PRSS23: variants seen among roughly 807,000 people sequenced by gnomAD.
PRSS23 encodes protease, serine 23.
PRSS23 carries 25 observed loss-of-function variants against 34.7 expected under a neutral mutation model. That is an observed-to-expected ratio of 0.72 (90% CI 0.53 to 1.01). PRSS23 has a LOEUF of 1.01. Ranked by LOEUF, PRSS23 falls within the 50% of genes least tolerant of loss-of-function variation. The pLI is 0.00. For missense variants in PRSS23, 445 were observed against 475.6 expected (o/e 0.94, Z 0.60); for synonymous variants, 176 against 186.6 (o/e 0.94, Z 0.46).
At chr11:86,864,299 G>A (rs570464087) in intron 2 of PRSS23, among the ~76,000 whole-genome samples, 10 of 152,176 alleles carry the variant, frequency 6.6e-5, no homozygotes, top group Admixed American at 5.9e-4. Flanking sequence ...GGGGGTAGTC[G>A]AGGCAGTGCT....
At chr11:86,829,567 C>T (rs1166519625) in intron 2 of PRSS23, among the ~76,000 whole-genome samples, 1 of 152,140 alleles carries the variant, frequency 6.6e-6, no homozygotes, top group Non-Finnish European at 1.5e-5. Flanking sequence ...AGGTGCTCTG[C>T]TTTTTAGAGT....
chr11:86,832,563 T>G, intron 2 of PRSS23: 1 of 460,794 alleles, frequency 2.2e-6, no homozygotes, highest in South Asian at 1.7e-5. Flanking sequence ...AGGACCCTTT[T>G]GATGTCCCTG....
Position 86,873,596 on chromosome 11 carries a change from A to G in PRSS23, c.206+50003A>G, listed in dbSNP as rs147939083. Reference sequence around the variant, plus strand: ...CCGTGCCCAGCCTATATTCTTAAAGATTGTACCCCTGGCCATAGCTGATTG... The same window carrying G: ...CCGTGCCCAGCCTATATTCTTAAAGGTTGTACCCCTGGCCATAGCTGATTG... On this transcript the variant is annotated intron_variant, in intron 2 of 2. Coordinates refer to the PRSS23 transcript ENST00000533902. Among the ~76,000 whole-genome samples the G allele has an allele frequency of 8.4e-3, 1,282 of 152,162 alleles. 7 individuals are homozygous for G. Among genetic ancestry groups the G allele is most frequent in the Non-Finnish European group, 0.014 (936 of 68,018 alleles).
At chr11:86,840,895 A>G (rs1226548909) in intron 2 of PRSS23, among the ~76,000 whole-genome samples, 2 of 152,206 alleles carry the variant, frequency 1.3e-5, no homozygotes, top group Non-Finnish European at 2.9e-5. Context: ...AGAAGTGAAG[A>G]TGTTCTTTAA....
chr11:86,835,972 A>G lies in PRSS23; in HGVS notation c.206+12379A>G, dbSNP rs566470727. Among the ~76,000 whole-genome samples the G allele has an allele frequency of 3.8e-4, 58 of 152,320 alleles. 3 individuals carry two copies. The South Asian group carries it at 0.012, about 30-fold the overall frequency. ...GGGGCTATCCCTGAACCCTTTCGGTAAAACAGTCCAGGTGAGTTGAGATGT... is the reference window on the plus strand; with the variant it reads ...GGGGCTATCCCTGAACCCTTTCGGTGAAACAGTCCAGGTGAGTTGAGATGT... On this transcript the variant is annotated intron_variant, in intron 2 of 2. Coordinates refer to the PRSS23 transcript ENST00000533902.
intron 2 of PRSS23, among the ~76,000 whole-genome samples, chr11:86,840,696 C>T (rs1948440948): frequency 6.6e-6 from 1 of 152,150 alleles, no homozygotes; most frequent in South Asian, 2.1e-4. Context: ...CTAAAATTGA[C>T]CACATAATTG....
chr11:86,841,752 T>C (rs1456133399), intron 2 of PRSS23, among the ~76,000 whole-genome samples: 1 of 152,308 alleles, frequency 6.6e-6, no homozygotes, highest in East Asian at 1.9e-4. Context: ...AATCTCTGAA[T>C]AGACCAATAA....
intron 2 of PRSS23, among the ~76,000 whole-genome samples, chr11:86,851,379 C>G (rs11822136): frequency 0.39 from 59,560 of 152,020 alleles, 12,124 homozygotes; most frequent in African/African-American, 0.49. Context: ...TCTTTGATGT[C>G]ATCTTAGCTG....
rs533389592 is a variant in PRSS23 at position 86,951,409 on chromosome 11, C to T, written c.*124C>T. On this transcript the variant is annotated 3_prime_UTR_variant, in exon 3 of 3. Coordinates refer to the PRSS23 transcript ENST00000533902. ...CATAAAAATAACAGGCAATCACACA[C>T]GTTGCAGGAACTGTGTACAGTACTG... is the stretch of plus-strand genomic sequence containing the variant. 108 of 1,613,018 alleles carry T rather than the reference C, an allele frequency of 6.7e-5. No individual in the cohort carries two copies. Among genetic ancestry groups the T allele is most frequent in the Non-Finnish European group, 8.1e-5 (96 of 1,179,046 alleles).
downstream of PRSS23, among the ~76,000 whole-genome samples, chr11:86,814,236 G>C (rs539386593): frequency 6.6e-6 from 1 of 152,304 alleles, no homozygotes; most frequent in South Asian, 2.1e-4. Flanking sequence ...ACTTGTAGAT[G>C]ATATTTAAAC....
intron 2 of PRSS23, among the ~76,000 whole-genome samples, chr11:86,833,784 G>T (rs1948380129): frequency 6.6e-6 from 1 of 152,136 alleles, no homozygotes; most frequent in African/African-American, 2.4e-5. Context: ...GTTGGCCTAG[G>T]AAATCCAGCT....
At chr11:86,858,049 A>AC in intron 2 of PRSS23, 1 of 235,642 alleles carries the variant, frequency 4.2e-6, no homozygotes, top group Non-Finnish European at 8.4e-6. Context: ...GGAGTGTACC[A>AC]CCCCCTGTGA....
At chr11:86,879,233 C>A (rs1431630230) in intron 2 of PRSS23, among the ~76,000 whole-genome samples, 1 of 149,226 alleles carries the variant, frequency 6.7e-6, no homozygotes, top group Non-Finnish European at 1.5e-5. Context: ...CTCTGCCCCG[C>A]CGCCCCGTCT....
Position 86,915,489 on chromosome 11 carries a change from C to A in PRSS23, c.207-35727C>A, listed in dbSNP as rs1190785843. Among the ~76,000 whole-genome samples the A allele has an allele frequency of 2.0e-5, 3 of 150,462 alleles. No individual in the cohort carries two copies. In the Admixed American group the frequency reaches 2.0e-4, roughly 10 times the overall value. ...AAATGAGATAATGTAAGAAAAGAGG[C>A]CGGTGATGTCACTCAATAAGGCAAA... On this transcript the variant is annotated intron_variant, in intron 2 of 2. Transcript: ENST00000533902.
At chr11:86,927,629 A>G (rs9971411) in intron 2 of PRSS23, among the ~76,000 whole-genome samples, 152,325 of 152,326 alleles carry the variant, frequency 1, 76,162 homozygotes, top group Non-Finnish European at 1. Flanking sequence ...TTACAGGCAT[A>G]AGCCACTGTG....
chr11:86,807,415 AT>A (rs1948114056), intron 1 of PRSS23, among the ~76,000 whole-genome samples: 1 of 152,162 alleles, frequency 6.6e-6, no homozygotes, highest in Non-Finnish European at 1.5e-5. Flanking sequence ...GGAACACCCA[AT>A]TTCACTTCAG....
chr11:86,805,673 C>T (rs774978241), intron 1 of PRSS23, among the ~76,000 whole-genome samples: 1 of 151,996 alleles, frequency 6.6e-6, no homozygotes, highest in Non-Finnish European at 1.5e-5. Context: ...GAGAAAAAGT[C>T]AAGCAAAAAG....
chr11:86,882,472 G>A (rs981090187), intron 2 of PRSS23, among the ~76,000 whole-genome samples: 1 of 151,952 alleles, frequency 6.6e-6, no homozygotes, highest in African/African-American at 2.4e-5. Flanking sequence ...GGTTTTCTGT[G>A]CCCGTGTCAG....
exon 2 of PRSS23, chr11:86,823,496 G>A: frequency 1.4e-6 from 1 of 702,486 alleles, no homozygotes. Context: ...ACCACCTCCT[G>A]AATACCAACT....
Sources: allele counts gnomAD v4.1 joint callset (sites outside exome capture counted in the v4.1 genomes callset), GRCh38; gene constraint gnomAD v4.1.1; transcripts MANE v1.5; gene names NCBI Gene and HGNC (gene_info 2026-07-23, HGNC 2026-07-21).